SLC35F3: variants seen among roughly 807,000 people sequenced by gnomAD.
SLC35F3 encodes solute carrier family 35 member F3.
Under a neutral mutation model 49.9 loss-of-function variants are expected in SLC35F3, and 25 were observed. The ratio of observed to expected loss-of-function variants is 0.50; its 90% CI spans 0.37 to 0.70. SLC35F3 has a LOEUF of 0.70. Ranked by LOEUF, SLC35F3 falls within the 30% of genes least tolerant of loss-of-function variation. The probability of loss-of-function intolerance (pLI) is 0.00; values close to 1 mark genes in which losing one functional copy is unlikely to be tolerated. For missense variants in SLC35F3, 525 were observed against 639.8 expected (o/e 0.82, Z 1.94); for synonymous variants, 275 against 265.4 (o/e 1.04, Z -0.35).
intron 2 of SLC35F3, among the ~76,000 whole-genome samples, chr1:233,981,934 TTTG>T (rs1029618189): frequency 1.9e-4 from 29 of 152,202 alleles, no homozygotes; most frequent in African/African-American, 6.0e-4. Flanking sequence ...TGAACGTTTT[TTTG>T]TTGTTGTTGA....
intron 2 of SLC35F3, among the ~76,000 whole-genome samples, chr1:233,975,779 G>A (rs1663069599): frequency 6.6e-6 from 1 of 152,208 alleles, no homozygotes; most frequent in Non-Finnish European, 1.5e-5. Context: ...AGTACCCGGA[G>A]CACATGTGCA....
intron 2 of SLC35F3, among the ~76,000 whole-genome samples, chr1:234,153,602 G>A (rs1056130515): frequency 8.5e-5 from 13 of 152,172 alleles, no homozygotes; most frequent in African/African-American, 2.7e-4. Context: ...ATGATATACT[G>A]TATTTTAGTT....
intron 1 of SLC35F3, 34 bp downstream of exon 1, chr1:233,905,164 G>A: frequency 6.5e-7 from 1 of 1,549,346 alleles, no homozygotes; most frequent in Non-Finnish European, 8.7e-7. Flanking sequence ...TGAGCGAGCC[G>A]GCGGGCGGGA....
chr1:234,120,225 C>T (rs1665550866), intron 2 of SLC35F3, among the ~76,000 whole-genome samples: 1 of 152,208 alleles, frequency 6.6e-6, no homozygotes, highest in African/African-American at 2.4e-5. Flanking sequence ...ATTCTTATCA[C>T]TACTGAATCG....
At chr1:234,221,786 T>A (rs1667209911) in intron 2 of SLC35F3, among the ~76,000 whole-genome samples, 1 of 152,206 alleles carries the variant, frequency 6.6e-6, no homozygotes, top group African/African-American at 2.4e-5. Flanking sequence ...CTAATTAATA[T>A]ATTGGACATG....
intron 2 of SLC35F3, among the ~76,000 whole-genome samples, chr1:233,993,908 G>A (rs1663408308): frequency 6.6e-6 from 1 of 152,148 alleles, no homozygotes; most frequent in Admixed American, 6.5e-5. Context: ...CCTGCCGCAT[G>A]CTCAAATGAA....
intron 2 of SLC35F3, among the ~76,000 whole-genome samples, chr1:233,914,886 G>A (rs528135265): frequency 6.6e-6 from 1 of 152,292 alleles, no homozygotes; most frequent in South Asian, 2.1e-4. Context: ...GTGCAGTTAG[G>A]AACCTGGCAA....
chr1:234,290,943 C>T (rs1668497091), intron 3 of SLC35F3, among the ~76,000 whole-genome samples: 2 of 152,216 alleles, frequency 1.3e-5, no homozygotes, highest in Admixed American at 1.3e-4. Flanking sequence ...TTGATTCTCT[C>T]TTACTGAAGA....
At chr1:234,103,530 T>A (rs1665242403) in intron 2 of SLC35F3, among the ~76,000 whole-genome samples, 1 of 152,180 alleles carries the variant, frequency 6.6e-6, no homozygotes, top group East Asian at 1.9e-4. Flanking sequence ...GCCACAGGTA[T>A]GGTACCACAT....
intron 4 of SLC35F3, among the ~76,000 whole-genome samples, chr1:234,310,717 G>A (rs1447033017): frequency 6.6e-6 from 1 of 152,164 alleles, no homozygotes. Context: ...TGACTCAGAT[G>A]TCCCTAGAAA....
chr1:234,211,050 G>A (rs972149768), intron 2 of SLC35F3, among the ~76,000 whole-genome samples: 4 of 152,220 alleles, frequency 2.6e-5, no homozygotes, highest in Non-Finnish European at 5.9e-5. Flanking sequence ...AGCTGAAAGG[G>A]GCCAACATAG....
rs115325764 is a variant in SLC35F3, at chr1:234,180,398, A to G, written c.284-51019A>G. ...TCCCTTTCTTCAGAAGGAGGGGCTC[A>G]GGTAAAGGAAACACATCACTTCTGC... On this transcript the variant is annotated intron_variant, in intron 2 of 7. Transcript: ENST00000366618. 9.2e-3 allele frequency among the ~76,000 whole-genome samples: 1,399 copies of G among 152,268 alleles called. 23 individuals are homozygous for G. Among genetic ancestry groups the G allele is most frequent in the African/African-American group, 0.032 (1,323 of 41,540 alleles).
At chr1:234,155,173 T>C (rs1666132034) in intron 2 of SLC35F3, among the ~76,000 whole-genome samples, 1 of 152,216 alleles carries the variant, frequency 6.6e-6, no homozygotes, top group Admixed American at 6.5e-5. Flanking sequence ...TGGTTGAATC[T>C]GTGTATGCAA....
intron 2 of SLC35F3, among the ~76,000 whole-genome samples, chr1:233,936,711 C>A (rs1662339709): frequency 6.6e-6 from 1 of 151,598 alleles, no homozygotes; most frequent in Non-Finnish European, 1.5e-5. Flanking sequence ...TTTTTTGAGA[C>A]AGGGTCTTGC....
intron 2 of SLC35F3, among the ~76,000 whole-genome samples, chr1:233,961,543 G>A (rs1463401002): frequency 6.9e-6 from 1 of 144,002 alleles, no homozygotes; most frequent in Non-Finnish European, 1.5e-5. Flanking sequence ...TGCAGCCTCT[G>A]CCTCCTGGGT....
intron 2 of SLC35F3, among the ~76,000 whole-genome samples, chr1:234,196,211 A>G (rs1455087285): frequency 6.6e-6 from 1 of 152,238 alleles, no homozygotes; most frequent in African/African-American, 2.4e-5. Flanking sequence ...GCCCCCTTCC[A>G]TGGCAACAAC....
chr1:233,914,774 A>G (rs1227317556), intron 2 of SLC35F3, among the ~76,000 whole-genome samples: 2 of 151,774 alleles, frequency 1.3e-5, no homozygotes, highest in Admixed American at 6.6e-5. Flanking sequence ...TTTTTTGTAC[A>G]TGATGTCTTT....
chr1:234,219,517 A>G (rs1242156749), intron 2 of SLC35F3, among the ~76,000 whole-genome samples: 2 of 152,234 alleles, frequency 1.3e-5, no homozygotes, highest in African/African-American at 4.8e-5. Flanking sequence ...AGAGCTTCCA[A>G]TCGAGTGAGG....
chr1:234,009,437 C>T (rs1663680202), intron 2 of SLC35F3, among the ~76,000 whole-genome samples: 1 of 152,354 alleles, frequency 6.6e-6, no homozygotes, highest in South Asian at 2.1e-4. Flanking sequence ...TGTAATCACA[C>T]AGGGCTCCTC....
Sources: gnomAD v4.1 joint callset for allele counts (sites outside exome capture counted in the v4.1 genomes callset) on GRCh38, gnomAD v4.1.1 for gene constraint, MANE v1.5 for transcripts, NCBI Gene and HGNC (gene_info 2026-07-23, HGNC 2026-07-21) for gene names.